The following RARB variants were observed in gnomAD, a reference collection of about 807,000 sequenced individuals.
The protein encoded by RARB is retinoic acid receptor beta.
A neutral mutation model predicts 51.9 loss-of-function variants in RARB; 17 were observed. That is an observed-to-expected ratio of 0.33 (90% CI 0.22 to 0.49). The LOEUF is 0.49. Among genes scored for constraint, RARB ranks in the 20% least tolerant of loss-of-function variants. The pLI is 0.99. For synonymous variants in RARB, 215 were observed against 195.4 expected (o/e 1.10, Z -0.84); for missense variants, 369 against 550.8 (o/e 0.67, Z 3.30).
At chr3:25,429,138 AAC>A (rs1239561847) in intron 1 of RARB, among the ~76,000 whole-genome samples, 2 of 152,130 alleles carry the variant, frequency 1.3e-5, no homozygotes, top group African/African-American at 2.4e-5. Context: ...GTCTCTTGAA[AAC>A]AGTTTTTAAA....
intron 3 of RARB, among the ~76,000 whole-genome samples, chr3:25,543,369 C>A (rs1182321173): frequency 6.6e-6 from 1 of 152,180 alleles, no homozygotes. Context: ...CTCCCCCCAA[C>A]CAGTTCCTAC....
chr3:24,983,052 C>G (rs1338224085), intron 2 of RARB, among the ~76,000 whole-genome samples: 2 of 152,182 alleles, frequency 1.3e-5, no homozygotes, highest in Middle Eastern at 3.4e-3. Context: ...CCAAACAAAT[C>G]AAGAGTATTA....
At chr3:24,937,758 G>A (rs1575080612) in intron 2 of RARB, among the ~76,000 whole-genome samples, 2 of 152,050 alleles carry the variant, frequency 1.3e-5, no homozygotes, top group South Asian at 2.1e-4. Context: ...TGGGTGGAGC[G>A]AGTTGGGCCC....
chr3:25,174,090 A>G (rs921667432), intron 4 of RARB: 5 of 183,820 alleles, frequency 2.7e-5, no homozygotes, highest in African/African-American at 1.2e-4. Context: ...TTTTTGTGAT[A>G]TATATATTTT....
chr3:24,985,058 T>G (rs1442716292), intron 2 of RARB, among the ~76,000 whole-genome samples: 2 of 152,224 alleles, frequency 1.3e-5, no homozygotes, highest in Non-Finnish European at 2.9e-5. Flanking sequence ...CATTAAATAT[T>G]TATTTGGCTC....
At chr3:24,967,895 G>T (rs778518956) in intron 2 of RARB, among the ~76,000 whole-genome samples, 46 of 152,274 alleles carry the variant, frequency 3.0e-4, no homozygotes, top group South Asian at 8.3e-4. Flanking sequence ...AATTGTAACT[G>T]TAAAAGGCAG....
intron 5 of RARB, among the ~76,000 whole-genome samples, chr3:25,331,115 G>A (rs897602792): frequency 2.0e-4 from 30 of 152,060 alleles, no homozygotes; most frequent in East Asian, 9.6e-4. Context: ...AGACAGATCA[G>A]CGAGACAGAA....
At chr3:24,959,301 G>A (rs555054772) in intron 2 of RARB, among the ~76,000 whole-genome samples, 1 of 152,300 alleles carries the variant, frequency 6.6e-6, no homozygotes, top group Admixed American at 6.5e-5. Context: ...GGTGGTTACT[G>A]AGGAGGATTT....
chr3:24,857,702 C>T (rs188462984), intron 1 of RARB, among the ~76,000 whole-genome samples: 4 of 152,024 alleles, frequency 2.6e-5, no homozygotes, highest in Non-Finnish European at 5.9e-5. Context: ...GATCATTGAG[C>T]GTAGGAGTTC....
At chr3:25,321,574 G>T (rs142318130) in intron 5 of RARB, among the ~76,000 whole-genome samples, 1 of 151,858 alleles carries the variant, frequency 6.6e-6, no homozygotes, top group East Asian at 1.9e-4. Flanking sequence ...AAAATTAGCC[G>T]GGCATGGTGG....
intron 5 of RARB, among the ~76,000 whole-genome samples, chr3:25,281,151 T>C (rs528187122): frequency 3.3e-5 from 5 of 152,278 alleles, no homozygotes; most frequent in Middle Eastern, 3.4e-3. Context: ...TCCTGGGCAG[T>C]ATTTTGATTG....
At chr3:25,418,099 G>T (rs541257373) in intron 5 of RARB, among the ~76,000 whole-genome samples, 2 of 152,276 alleles carry the variant, frequency 1.3e-5, no homozygotes, top group African/African-American at 4.8e-5. Context: ...CAACACTTGT[G>T]ATCACATTGT....
chr3:25,583,071 G>A (rs1289747969), intron 5 of RARB, among the ~76,000 whole-genome samples: 1 of 152,096 alleles, frequency 6.6e-6, no homozygotes, highest in Non-Finnish European at 1.5e-5. Flanking sequence ...GTCTGGGTTG[G>A]GGTGCAATAG....
At chr3:25,259,822 A>G (rs1702953606) in intron 5 of RARB, 2 of 782,722 alleles carry the variant, frequency 2.6e-6, no homozygotes, top group African/African-American at 1.9e-5. Context: ...TTCCTCAGTA[A>G]AGTCAGAGCT....
intron 5 of RARB, among the ~76,000 whole-genome samples, chr3:25,325,275 G>T (rs574149230): frequency 1.3e-5 from 2 of 152,098 alleles, no homozygotes; most frequent in African/African-American, 2.4e-5. Flanking sequence ...TATAATTTGC[G>T]TGTAATGAGC....
chr3:25,380,342 C>A (rs146155701), intron 5 of RARB, among the ~76,000 whole-genome samples: 4 of 152,134 alleles, frequency 2.6e-5, no homozygotes, highest in African/African-American at 9.7e-5. Context: ...TAAAACAGAA[C>A]GTTCAGAGTC....
chr3:25,048,825 G>A (rs1170344916), intron 2 of RARB, among the ~76,000 whole-genome samples: 3 of 133,560 alleles, frequency 2.2e-5, no homozygotes, highest in Non-Finnish European at 3.0e-5. Flanking sequence ...GCGCGATCTC[G>A]GCTCACTGCA....
chr3:24,843,238 A>G (rs1186551179), intron 1 of RARB, among the ~76,000 whole-genome samples: 2 of 152,204 alleles, frequency 1.3e-5, no homozygotes, highest in South Asian at 4.1e-4. Flanking sequence ...GCAGCTCCCA[A>G]TTCAAAATCT....
intron 5 of RARB, among the ~76,000 whole-genome samples, chr3:25,207,824 C>T (rs916100517): frequency 1.3e-5 from 2 of 152,116 alleles, no homozygotes; most frequent in African/African-American, 4.8e-5. Flanking sequence ...TGAGTTGCTA[C>T]AAAGGAACAA....
Sources: gnomAD v4.1 joint callset for allele counts (sites outside exome capture counted in the v4.1 genomes callset) on GRCh38, gnomAD v4.1.1 for gene constraint, MANE v1.5 for transcripts, NCBI Gene and HGNC (gene_info 2026-07-23, HGNC 2026-07-21) for gene names.